Variants in LTF observed in about 807,000 individuals in gnomAD.
LTF encodes the protein lactotransferrin, also known as epididymis luminal protein 110.
Under a neutral mutation model 87.2 loss-of-function variants are expected in LTF, and 91 were observed. That is an observed-to-expected ratio of 1.04 (90% CI 0.88 to 1.24). The LOEUF is 1.24. LTF is among the 50% of genes most tolerant of loss of function. The pLI, the probability that LTF is intolerant of heterozygous loss-of-function variation, is 0.00. For missense variants in LTF, 901 were observed against 904.3 expected (o/e 1.00, Z 0.05); for synonymous variants, 378 against 356.1 (o/e 1.06, Z -0.69).
chr3:46,454,143 G>T, intron 6 of LTF, 162 bp downstream of exon 6: 1 of 706,300 alleles, frequency 1.4e-6, no homozygotes, highest in South Asian at 1.7e-5. Context: ...GAAGAAAACT[G>T]ATCATTTAAA....
rs1204110165 is a variant in LTF, at chr3:46,443,438, C to A, written c.1655+3G>T. On this transcript the variant is annotated splice_donor_region_variant and intron_variant, in intron 13 of 16. Transcript: ENST00000231751. ...TCCTGATGGAGCTCAGTCACAGACT[C>A]ACCGGAAAGCCCCAGTGTAGCCGTA... is the stretch of plus-strand genomic sequence containing the variant. The A allele has an allele frequency of 6.2e-7, 1 of 1,614,098 alleles. No individual in the cohort carries two copies. The highest frequency in any genetic ancestry group is 8.5e-7 in the Non-Finnish European group (1 of 1,180,020).
At position 46,436,183 on chromosome 3, in the gene LTF, T is replaced by C. The variant is rs752833842; in HGVS notation, c.*12A>G. 3.7e-6 allele frequency: 6 copies of C among 1,614,082 alleles called. No homozygotes were observed. Among genetic ancestry groups the C allele is most frequent in the African/African-American group, 1.3e-5 (1 of 75,050 alleles). On this transcript the variant is annotated 3_prime_UTR_variant, in exon 17 of 17. Transcript: ENST00000231751. ...GAGGCTTTCTTGGGGAGCTGGGCCA[T>C]CTTCTTCGGTTTTACTTCCTGAGGA...
chr3:46,445,467 T>G (rs1209704816), intron 11 of LTF, 31 bp from the exon 12 acceptor site: 1 of 1,590,534 alleles, frequency 6.3e-7, no homozygotes, highest in Non-Finnish European at 8.6e-7. Context: ...AAAACAAGTC[T>G]TAACCTCCAG....
At chr3:46,478,898 G>A (rs548147450) in intron 1 of LTF, among the ~76,000 whole-genome samples, 1 of 152,330 alleles carries the variant, frequency 6.6e-6, no homozygotes, top group African/African-American at 2.4e-5. Context: ...GGCCTGCTCA[G>A]ACCTGACACA....
At chr3:46,469,908 G>A (rs543542077) in intron 2 of LTF, among the ~76,000 whole-genome samples, 10 of 152,254 alleles carry the variant, frequency 6.6e-5, no homozygotes, top group African/African-American at 2.4e-4. Context: ...AGGCCCCACA[G>A]AGACAAGGAG....
At chr3:46,467,597 C>A (rs1389917454), upstream of LTF, among the ~76,000 whole-genome samples, 3 of 152,010 alleles carry the variant, frequency 2.0e-5, no homozygotes, top group African/African-American at 7.3e-5. Flanking sequence ...ACAAAAGTTC[C>A]CTCTGGCTTT....
At chr3:46,463,573 T>G in intron 1 of LTF, 4 of 985,490 alleles carry the variant, frequency 4.1e-6, no homozygotes, top group Non-Finnish European at 4.8e-6. Context: ...CCCAATTGAC[T>G]GCAGGATTCA....
At chr3:46,459,576 A>C in intron 2 of LTF, 80 bp downstream of exon 2, 65 of 1,268,414 alleles carry the variant, frequency 5.1e-5, no homozygotes, top group Non-Finnish European at 6.2e-5. Context: ...GGAAGTAAGG[A>C]GAGCTCGTGT....
At chr3:46,482,547 AG>A (rs1368658841) in intron 1 of LTF, among the ~76,000 whole-genome samples, 1,931 of 98,714 alleles carry the variant, frequency 0.02, 275 homozygotes, top group African/African-American at 0.052. Flanking sequence ...AGGGAAGGGA[AG>A]GGAAGGGAAG....
At chr3:46,482,066 T>A (rs924034983) in intron 1 of LTF, among the ~76,000 whole-genome samples, 1 of 152,090 alleles carries the variant, frequency 6.6e-6, no homozygotes, top group Middle Eastern at 3.2e-3. Flanking sequence ...CAGATAATAG[T>A]TTTTTGATAC....
intron 16 of LTF, among the ~76,000 whole-genome samples, chr3:46,436,781 G>C (rs1200689199): frequency 6.6e-6 from 1 of 152,178 alleles, no homozygotes; most frequent in East Asian, 1.9e-4. Flanking sequence ...GCATCACAGT[G>C]ACCTGAGTTG....
intron 1 of LTF, among the ~76,000 whole-genome samples, chr3:46,463,239 C>T (rs1448405418): frequency 1.3e-5 from 2 of 152,226 alleles, no homozygotes. Flanking sequence ...TCTGGGCAGA[C>T]ATGCAGTGCG....
chr3:46,443,635 C>A, intron 12 of LTF, 53 bp from the exon 13 acceptor site: 1 of 1,592,040 alleles, frequency 6.3e-7, no homozygotes. Context: ...TCCACACAAG[C>A]AACCTTTACC....
At chr3:46,448,086 G>A (rs1274279424) in intron 9 of LTF, among the ~76,000 whole-genome samples, 2 of 152,150 alleles carry the variant, frequency 1.3e-5, no homozygotes, top group African/African-American at 2.4e-5. Context: ...GTTTTCGTCC[G>A]AGTGCTGTGG....
upstream of LTF, among the ~76,000 whole-genome samples, chr3:46,466,076 C>T (rs1015027676): frequency 2.0e-5 from 3 of 152,102 alleles, no homozygotes; most frequent in African/African-American, 7.2e-5. Flanking sequence ...CCCATCTCTA[C>T]AAAAAATACA....
chr3:46,450,517 C>G lies in LTF; in HGVS notation c.860G>C (p.Trp287Ser). ...TACCTGTGCCTGGCGGAGAAGATTC[C>G]AGATGGCATCCTCCTTGCCATTCAC... ...RSVNGKEDAIWNLLRQAQEKF... is the reference protein window; with the variant it reads ...RSVNGKEDAISNLLRQAQEKF... Residue 287 changes from tryptophan (W) to serine (S), a missense_variant, in exon 7 of 17, where the codon TGG becomes TCG. Trp to Ser is a radical substitution (Grantham distance 177). Coordinates refer to ENST00000231751, the MANE Select transcript of LTF (RefSeq NM_002343.6). 6.2e-7 allele frequency: 1 copy of G among 1,613,196 alleles called. No individual in the cohort carries two copies. The highest frequency in any genetic ancestry group is 8.5e-7 in the Non-Finnish European group (1 of 1,179,860).
intron 1 of LTF, among the ~76,000 whole-genome samples, chr3:46,470,896 A>G (rs1319329554): frequency 6.6e-6 from 1 of 152,198 alleles, no homozygotes; most frequent in Non-Finnish European, 1.5e-5. Flanking sequence ...CCCGATGTTG[A>G]GATGCTTGTG....
At chr3:46,460,488 A>T in intron 1 of LTF, 1 of 446,484 alleles carries the variant, frequency 2.2e-6, no homozygotes, top group Admixed American at 2.4e-5. Context: ...TTGCTCAAAT[A>T]CTGGTTCTTC....
chr3:46,465,970 G>A (rs370361078), upstream of LTF, among the ~76,000 whole-genome samples: 4 of 152,236 alleles, frequency 2.6e-5, no homozygotes, highest in African/African-American at 9.6e-5. Flanking sequence ...AGGGCACAGT[G>A]GCTCATGCCT....
Sources: gnomAD v4.1 joint callset for allele counts (sites outside exome capture counted in the v4.1 genomes callset) on GRCh38, gnomAD v4.1.1 for gene constraint, MANE v1.5 for transcripts, NCBI Gene and HGNC (gene_info 2026-07-23, HGNC 2026-07-21) for gene names.